Variants in WRN observed in about 807,000 individuals in gnomAD.
The protein encoded by WRN is bifunctional 3'-5' exonuclease/ATP-dependent helicase WRN.
A neutral mutation model predicts 180.7 loss-of-function variants in WRN; 149 were observed. That is an observed-to-expected ratio of 0.82 (90% CI 0.72 to 0.94). WRN has a LOEUF of 0.94. Among genes scored for constraint, WRN ranks in the 40% least tolerant of loss-of-function variants. The pLI, the probability that WRN is intolerant of heterozygous loss-of-function variation, is 0.00. For missense variants in WRN, 1,661 were observed against 1,700.1 expected (o/e 0.98, Z 0.40); for synonymous variants, 548 against 568.9 (o/e 0.96, Z 0.52).
intron 31 of WRN, among the ~76,000 whole-genome samples, chr8:31,151,478 C>T (rs1027981755): frequency 6.6e-6 from 1 of 152,044 alleles, no homozygotes; most frequent in Admixed American, 6.5e-5. Context: ...TTTTCATACT[C>T]TTATATAAGA....
chr8:31,100,755 A>T, intron 17 of WRN, 94 bp from the exon 18 acceptor site: 1 of 1,041,610 alleles, frequency 9.6e-7, no homozygotes. Flanking sequence ...AAATACTTTG[A>T]TTTGGTTATT....
chr8:31,089,009 C>T (rs1813644190), intron 13 of WRN, 44 bp downstream of exon 13: 1 of 1,559,046 alleles, frequency 6.4e-7, no homozygotes, highest in South Asian at 1.2e-5. Flanking sequence ...TTAGTATTCT[C>T]TTTAAAACAA....
At chr8:31,149,456 T>TTTTTTG in intron 30 of WRN, among the ~76,000 whole-genome samples, 1 of 1,892 alleles carries the variant, frequency 5.3e-4, no homozygotes, top group African/African-American at 9.1e-4. Flanking sequence ...AATAGAGGTG[T>TTTTTTG]TTTTTTTTTT....
At chr8:31,114,623 C>G (rs1208440289) in intron 19 of WRN, among the ~76,000 whole-genome samples, 7 of 152,078 alleles carry the variant, frequency 4.6e-5, no homozygotes, top group Non-Finnish European at 8.8e-5. Context: ...GTTGTGATCA[C>G]TGTTGGTATT....
chr8:31,062,578 A>T (rs1446445986), intron 3 of WRN, among the ~76,000 whole-genome samples: 1 of 150,870 alleles, frequency 6.6e-6, no homozygotes. Context: ...CAGATAATTT[A>T]TATATATATT....
intron 7 of WRN, among the ~76,000 whole-genome samples, chr8:31,069,274 G>T (rs1272730408): frequency 6.6e-6 from 1 of 152,128 alleles, no homozygotes; most frequent in East Asian, 1.9e-4. Flanking sequence ...TCTGTGGGTG[G>T]CAGGCCCTCC....
intron 8 of WRN, 131 bp from the exon 9 acceptor site, chr8:31,080,736 C>G (rs909617644): frequency 2.7e-6 from 2 of 738,716 alleles, no homozygotes; most frequent in African/African-American, 3.6e-5. Flanking sequence ...GAATGAAGAA[C>G]AGCCTTAATA....
At chr8:31,160,968 A>T (rs1382925541) in intron 33 of WRN, among the ~76,000 whole-genome samples, 4 of 150,934 alleles carry the variant, frequency 2.7e-5, no homozygotes, top group Non-Finnish European at 5.9e-5. Flanking sequence ...AGTCTGGACA[A>T]CAGAGTGAGA....
intron 24 of WRN, among the ~76,000 whole-genome samples, chr8:31,141,219 A>G (rs964706018): frequency 3.3e-5 from 5 of 152,148 alleles, no homozygotes; most frequent in Non-Finnish European, 7.4e-5. Flanking sequence ...ATTTCCTGCC[A>G]TTATTTAAGA....
chr8:31,158,351 C>T (rs1003992961), intron 33 of WRN, among the ~76,000 whole-genome samples: 4 of 151,766 alleles, frequency 2.6e-5, no homozygotes, highest in Non-Finnish European at 5.9e-5. Flanking sequence ...AACCTCAGCT[C>T]GCGGAGAGCA....
intron 3 of WRN, among the ~76,000 whole-genome samples, chr8:31,061,151 T>C (rs1271534564): frequency 2.6e-5 from 4 of 152,190 alleles, no homozygotes; most frequent in Non-Finnish European, 4.4e-5. Context: ...TTCAGTCTTT[T>C]CTTCTTTCTT....
At position 31,043,204 on chromosome 8, in the gene WRN, C is replaced by G. The variant is rs567868404; in HGVS notation, c.-77+9231C>G. Among the ~76,000 whole-genome samples the G allele has an allele frequency of 2.0e-5, 3 of 152,304 alleles. 1 individual carries two copies. The highest frequency in any genetic ancestry group is 2.0e-4 in the Admixed American group (3 of 15,298). On this transcript the variant is annotated intron_variant, in intron 1 of 34. Coordinates refer to ENST00000298139, the MANE Select transcript of WRN (RefSeq NM_000553.6). The stretch of plus-strand genomic sequence containing the variant: ...ATGCTTGTAAGATGGCTACTTGCAT[C>G]AACCATGACCACATCTAGCAGGAGC...
Position 31,090,529 on chromosome 8 carries a change from A to C in WRN, c.1717A>C (p.Thr573Pro), listed in dbSNP as rs150148567. ...ERRDNVAVMA[T>P]GYGKSLCFQY... The stretch of plus-strand genomic sequence containing the variant: ...AAGAGATAATGTTGCTGTCATGGCA[A>C]CTGGTAAGTTGTACTTAAGCAAAAC... The change falls in exon 14 of 35, where the codon ACT becomes CCT. Residue 573 changes from threonine (T) to proline (P), a missense_variant. By Grantham distance (38) the Thr-to-Pro change is conservative. Coordinates refer to ENST00000298139, the MANE Select transcript of WRN (RefSeq NM_000553.6). 6.2e-7 allele frequency: 1 copy of C among 1,612,108 alleles called. No individual in the cohort carries two copies. The highest frequency in any genetic ancestry group is 1.3e-5 in the African/African-American group (1 of 74,962).
At chr8:31,093,637 A>G (rs1813846263) in intron 16 of WRN, among the ~76,000 whole-genome samples, 1 of 152,186 alleles carries the variant, frequency 6.6e-6, no homozygotes, top group African/African-American at 2.4e-5. Flanking sequence ...ATTGACTTAC[A>G]ATAAATTTTA....
At position 31,100,511 on chromosome 8, in the gene WRN, C is replaced by G. The variant is rs528770259; in HGVS notation, c.1982-338C>G. Among the ~76,000 whole-genome samples the G allele has an allele frequency of 9.9e-5, 15 of 152,130 alleles. 1 individual carries two copies. In the South Asian group the frequency reaches 3.1e-3, roughly 32 times the overall value. ...CATGAGATAAAATTGAAGGTATTACCAAGGAGAAATGCAGGTGGATAGTTT... is the reference window on the plus strand; with the variant it reads ...CATGAGATAAAATTGAAGGTATTACGAAGGAGAAATGCAGGTGGATAGTTT... On this transcript the variant is annotated intron_variant, in intron 17 of 34. Coordinates refer to ENST00000298139, the MANE Select transcript of WRN (RefSeq NM_000553.6).
At chr8:31,133,357 G>C (rs940045164) in intron 24 of WRN, among the ~76,000 whole-genome samples, 3 of 152,090 alleles carry the variant, frequency 2.0e-5, no homozygotes, top group Non-Finnish European at 4.4e-5. Context: ...ATTTATTTGT[G>C]AAATACTCGA....
intron 16 of WRN, among the ~76,000 whole-genome samples, chr8:31,093,009 A>G (rs1489215719): frequency 6.6e-6 from 1 of 152,118 alleles, no homozygotes; most frequent in Non-Finnish European, 1.5e-5. Flanking sequence ...CAGTGGCGCA[A>G]TCATAGCTTA....
At chr8:31,145,372 T>C (rs1802817978) in intron 28 of WRN, among the ~76,000 whole-genome samples, 1 of 152,240 alleles carries the variant, frequency 6.6e-6, no homozygotes, top group Admixed American at 6.5e-5. Flanking sequence ...AATTATGCTA[T>C]ATCTACTCTG....
intron 1 of WRN, among the ~76,000 whole-genome samples, chr8:31,057,366 T>C (rs1295222976): frequency 6.6e-6 from 1 of 151,812 alleles, no homozygotes; most frequent in African/African-American, 2.4e-5. Flanking sequence ...GTCAGGAGAT[T>C]GAGACCATCC....
Sources: gnomAD v4.1 joint callset for allele counts (sites outside exome capture counted in the v4.1 genomes callset) on GRCh38, gnomAD v4.1.1 for gene constraint, MANE v1.5 for transcripts, NCBI Gene and HGNC (gene_info 2026-07-23, HGNC 2026-07-21) for gene names.